VPS13D: variants seen among roughly 807,000 people sequenced by gnomAD.
VPS13D encodes intermembrane lipid transfer protein VPS13D.
Under a neutral mutation model 461.9 loss-of-function variants are expected in VPS13D, and 187 were observed. That is an observed-to-expected ratio of 0.40 (90% CI 0.36 to 0.46). VPS13D has a LOEUF of 0.46. Among genes scored for constraint, VPS13D ranks in the 20% least tolerant of loss-of-function variants. VPS13D has a pLI of 0.60. For missense variants in VPS13D, 4,711 were observed against 5,364.9 expected (o/e 0.88, Z 3.81); for synonymous variants, 1,951 against 1,986.3 (o/e 0.98, Z 0.47).
At chr1:12,392,751 A>G (rs1313465541) in intron 60 of VPS13D, among the ~76,000 whole-genome samples, 1 of 152,056 alleles carries the variant, frequency 6.6e-6, no homozygotes, top group Non-Finnish European at 1.5e-5. Context: ...TGATTCACCT[A>G]TGGGGGCCTG....
At chr1:12,250,131 G>C (rs1289696878) in intron 6 of VPS13D, among the ~76,000 whole-genome samples, 1 of 152,216 alleles carries the variant, frequency 6.6e-6, no homozygotes, top group Non-Finnish European at 1.5e-5. Flanking sequence ...GGATACAGGT[G>C]AATATCTAGA....
At position 12,363,105 on chromosome 1, in the gene VPS13D, C is replaced by T; in HGVS notation, c.10306C>T (p.Leu3436Phe). 1.2e-6 allele frequency: 2 copies of T among 1,614,192 alleles called. No homozygotes were observed. Among genetic ancestry groups the T allele is most frequent in the Non-Finnish European group, 1.7e-6 (2 of 1,180,038 alleles). Residue 3436 changes from leucine (L) to phenylalanine (F), a missense_variant, in exon 52 of 70, where the codon CTT (leucine) becomes TTT (phenylalanine). Leu to Phe is a conservative substitution (Grantham distance 22). Coordinates refer to ENST00000620676, the MANE Select transcript of VPS13D (RefSeq NM_015378.4). The part of the protein sequence containing the change: ...TANPEGYIST[L>F]PGSSVVFHWP... ...CAATCCCGAAGGTTACATTTCCACC[C>T]TTCCTGGTTCCAGTGTGGTGTTCCA...
intron 46 of VPS13D, among the ~76,000 whole-genome samples, chr1:12,352,993 A>AC (rs1643831190): frequency 6.7e-6 from 1 of 148,404 alleles, no homozygotes; most frequent in Non-Finnish European, 1.5e-5. Context: ...AAAAAAAAAA[A>AC]AAAGGACCCA....
intron 59 of VPS13D, among the ~76,000 whole-genome samples, chr1:12,385,756 G>T (rs900871644): frequency 1.3e-5 from 2 of 152,166 alleles, no homozygotes; most frequent in Non-Finnish European, 2.9e-5. Context: ...ACATGAAAAA[G>T]TATATTTATC....
At position 12,498,950 on chromosome 1, in the gene VPS13D, G is replaced by A. The variant is rs147028104; in HGVS notation, c.12794+1319G>A. 1.1e-4 allele frequency among the ~76,000 whole-genome samples: 17 copies of A among 152,256 alleles called. No individual in the cohort carries two copies. The East Asian group carries it at 2.7e-3, about 24-fold the overall frequency. Reference sequence around the variant, plus strand: ...TTAGGGCTTCCACATATGAATTGGCGGGGAGGGGGTAACTCTGTCCACAGC... The same window carrying A: ...TTAGGGCTTCCACATATGAATTGGCAGGGAGGGGGTAACTCTGTCCACAGC... On this transcript the variant is annotated intron_variant, in intron 68 of 69. Transcript: ENST00000620676.
intron 60 of VPS13D, among the ~76,000 whole-genome samples, chr1:12,393,092 T>A (rs1644449335): frequency 6.6e-6 from 1 of 152,216 alleles, no homozygotes. Context: ...CACCACTAGA[T>A]CCCTAGAAAT....
At chr1:12,329,354 C>T (rs1428187157) in intron 36 of VPS13D, among the ~76,000 whole-genome samples, 1 of 152,168 alleles carries the variant, frequency 6.6e-6, no homozygotes, top group African/African-American at 2.4e-5. Context: ...ACTGGGATTA[C>T]AGGCGCCCGC....
At chr1:12,357,820 G>A (rs948007192) in intron 49 of VPS13D, among the ~76,000 whole-genome samples, 6 of 152,014 alleles carry the variant, frequency 3.9e-5, no homozygotes, top group East Asian at 3.9e-4. Flanking sequence ...CCTGGCCAAC[G>A]TGGTGAAACC....
chr1:12,430,582 C>T (rs1371233473), intron 65 of VPS13D, among the ~76,000 whole-genome samples: 1 of 152,196 alleles, frequency 6.6e-6, no homozygotes, highest in Admixed American at 6.5e-5. Context: ...AATGGTTTTG[C>T]CAAGACCGTG....
chr1:12,269,532 G>A (rs1641371472), intron 16 of VPS13D, among the ~76,000 whole-genome samples: 1 of 152,198 alleles, frequency 6.6e-6, no homozygotes, highest in African/African-American at 2.4e-5. Flanking sequence ...GTGAACTGAG[G>A]AGGAATGTTC....
rs766208476 is a variant in VPS13D, at chr1:12,273,099, G to T, written c.2200G>T (p.Val734Leu). The part of the protein sequence containing the change: ...FKFKNPVLVV[V>L]DLGRMLLTNT... ...ATTCAAGAATCCTGTGTTAGTTGTC[G>T]TGGATCTAGGAAGAATGCTTTTGAC... Residue 734 changes from valine (V) to leucine (L), a missense_variant, in exon 18 of 70, where the codon GTG becomes TTG. Around this residue, in one of 3 missense-constraint regions of VPS13D, gnomAD observed 4,411 missense variants for 4,937.8 expected, o/e 0.89. Coordinates refer to ENST00000620676, the MANE Select transcript of VPS13D (RefSeq NM_015378.4). 1 of 1,613,972 alleles carries T rather than the reference G, an allele frequency of 6.2e-7. No individual in the cohort carries two copies. Among genetic ancestry groups the T allele is most frequent in the Non-Finnish European group, 8.5e-7 (1 of 1,179,984 alleles).
chr1:12,395,389 CT>C (rs879778651), intron 60 of VPS13D, among the ~76,000 whole-genome samples: 1 of 152,208 alleles, frequency 6.6e-6, no homozygotes, highest in Non-Finnish European at 1.5e-5. Context: ...AATCATTGCC[CT>C]CACTTTAACA....
chr1:12,401,644 A>G lies in VPS13D; in HGVS notation c.11821A>G (p.Ile3941Val). 6.2e-7 allele frequency: 1 copy of G among 1,613,510 alleles called. No homozygotes were observed. Among genetic ancestry groups the G allele is most frequent in the South Asian group, 1.1e-5 (1 of 91,042 alleles). Residue 3941 changes from isoleucine (I) to valine (V), a missense_variant, in exon 62 of 70, where the codon ATT (isoleucine) becomes GTT (valine). Transcript: ENST00000620676. ...CACAGCTCAGAGATTCACAGTGCAA[A>G]TTGAGGAGAAACTGCTCCTCAAGCT... is the stretch of plus-strand genomic sequence containing the variant. ...MITAQRFTVQIEEKLLLKLLS... is the reference protein window; with the variant it reads ...MITAQRFTVQVEEKLLLKLLS...
rs79787458 is a variant in VPS13D at position 12,353,532 on chromosome 1, CAAAAAAAA to C, written c.9432-425_9432-418del. Among the ~76,000 whole-genome samples the C allele has an allele frequency of 2.2e-3, 80 of 36,336 alleles. 1 individual carries two copies. The South Asian group carries it at 0.068, about 31-fold the overall frequency. The allele number at this position is 36,336 out of a possible 152,430, so 23.8% of individuals were successfully genotyped here. ...TGGGTGACAGAGCGAGACTGCATCT[CAAAAAAAA>C]AAAAAAAAAAAAAAAACCAGACATA... On this transcript the variant is annotated intron_variant, in intron 46 of 69. Transcript: ENST00000620676.
Position 12,382,988 on chromosome 1 carries a change from C to T in VPS13D, c.11203C>T (p.Leu3735Phe), listed in dbSNP as rs781287249. The T allele has an allele frequency of 6.2e-7, 1 of 1,613,506 alleles. No homozygotes were observed. Among genetic ancestry groups the T allele is most frequent in the African/African-American group, 1.3e-5 (1 of 74,880 alleles). Reference sequence around the variant, plus strand: ...CAATGTCTTTTAGGCCAAAGGAGGACTTTCTGGTTTGTTTGATGGAGCTGA... The same window carrying T: ...CAATGTCTTTTAGGCCAAAGGAGGATTTTCTGGTTTGTTTGATGGAGCTGA... ...HGLVVQAKGG[L>F]SGLFDGAEVV... The change falls in exon 58 of 70, where the codon CTT becomes TTT. Residue 3735 changes from leucine to phenylalanine, a missense_variant. Coordinates refer to ENST00000620676, the MANE Select transcript of VPS13D (RefSeq NM_015378.4).
chr1:12,320,411 T>C (rs1316483330), intron 32 of VPS13D, among the ~76,000 whole-genome samples: 1 of 152,238 alleles, frequency 6.6e-6, no homozygotes, highest in East Asian at 1.9e-4. Context: ...GGGGTTCCTT[T>C]TGCTTTACGA....
chr1:12,255,980 G>C (rs1640908921), intron 7 of VPS13D, among the ~76,000 whole-genome samples: 2 of 151,500 alleles, frequency 1.3e-5, no homozygotes, highest in East Asian at 1.9e-4. Flanking sequence ...TAGTGTTTTT[G>C]GATTTTGATA....
chr1:12,260,136 C>T (rs1203531248), intron 10 of VPS13D, among the ~76,000 whole-genome samples: 1 of 147,664 alleles, frequency 6.8e-6, no homozygotes, highest in African/African-American at 2.5e-5. Flanking sequence ...CACCATTCTC[C>T]TGCCTCAGCC....
At chr1:12,450,637 A>G (rs1057290955) in intron 65 of VPS13D, among the ~76,000 whole-genome samples, 1 of 152,144 alleles carries the variant, frequency 6.6e-6, no homozygotes, top group African/African-American at 2.4e-5. Context: ...ATGAAGAGGG[A>G]ACAAATACTC....
Sources: gnomAD v4.1 joint callset for allele counts (sites outside exome capture counted in the v4.1 genomes callset) on GRCh38, gnomAD v4.1.1 for gene constraint, gnomAD v4.1.1 regional missense constraint, MANE v1.5 for transcripts, NCBI Gene and HGNC (gene_info 2026-07-23, HGNC 2026-07-21) for gene names.